LAMB1: variants seen among roughly 807,000 people sequenced by gnomAD.
LAMB1 encodes laminin subunit beta 1.
LAMB1 carries 121 observed loss-of-function variants against 222.3 expected under a neutral mutation model. The observed-to-expected ratio is 0.54, with a 90% CI of 0.47 to 0.63. The LOEUF (loss-of-function observed/expected upper bound fraction) is 0.63. Ranked by LOEUF, LAMB1 falls within the 30% of genes least tolerant of loss-of-function variation. The pLI is 0.00. For synonymous variants in LAMB1, 794 were observed against 807.2 expected (o/e 0.98, Z 0.28); for missense variants, 2,172 against 2,240.8 (o/e 0.97, Z 0.62).
At chr7:107,961,992 CT>C (rs1183073560) in intron 15 of LAMB1, among the ~76,000 whole-genome samples, 4 of 152,134 alleles carry the variant, frequency 2.6e-5, no homozygotes, top group South Asian at 2.1e-4. Context: ...GTCCAAATTC[CT>C]TTACTAATCC....
rs138687179 is a variant in LAMB1 at position 107,973,713 on chromosome 7, C to G, written c.1483-642G>C. On this transcript the variant is annotated intron_variant, in intron 12 of 33. Transcript: ENST00000222399. ...CAGGCTGGAGTGCAGTGGTGTGATC[C>G]CAGCTCACTACAACCTCCGCCTCCT... Among the ~76,000 whole-genome samples the G allele has an allele frequency of 1.8e-3, 276 of 152,060 alleles. 3 individuals carry two copies. Among genetic ancestry groups the G allele is most frequent in the Non-Finnish European group, 3.4e-3 (233 of 67,970 alleles).
At position 107,980,645 on chromosome 7, in the gene LAMB1, G is replaced by A; in HGVS notation, c.843C>T (p.Ala281=). 6.2e-7 allele frequency: 1 copy of A among 1,614,044 alleles called. No individual in the cohort carries two copies. Among genetic ancestry groups the A allele is most frequent in the African/African-American group, 1.3e-5 (1 of 75,022 alleles). The change falls in exon 8 of 34, where the codon GCC becomes GCT. Residue 281 remains alanine (A), a synonymous_variant. Transcript: ENST00000222399. The part of the protein sequence containing the change: ...CFCYGHASEC[A]PVDGFNEEVE... ...CTTCTTCATTGAATCCATCCACAGG[G>A]GCACATTCGCTGGCATGACCATAGC...
intron 31 of LAMB1, among the ~76,000 whole-genome samples, chr7:107,928,517 G>C (rs1295631545): frequency 1.3e-5 from 2 of 148,628 alleles, no homozygotes; most frequent in Admixed American, 1.3e-4. Context: ...TTTTTTTTGA[G>C]ATGGAGTCTC....
chr7:107,928,893 A>G (rs2032634834), intron 31 of LAMB1, among the ~76,000 whole-genome samples, 171 bp downstream of exon 31: 1 of 152,066 alleles, frequency 6.6e-6, no homozygotes, highest in South Asian at 2.1e-4. Flanking sequence ...TTCCTTGAAA[A>G]CCTATCTCCA....
At chr7:107,944,723 A>G (rs996316789) in intron 24 of LAMB1, among the ~76,000 whole-genome samples, 5 of 152,190 alleles carry the variant, frequency 3.3e-5, no homozygotes, top group African/African-American at 1.2e-4. Flanking sequence ...CACTTCAAGA[A>G]TATTTTCAGT....
chr7:107,926,936 T>C (rs1291936732), intron 31 of LAMB1, among the ~76,000 whole-genome samples: 3 of 152,146 alleles, frequency 2.0e-5, no homozygotes, highest in African/African-American at 4.8e-5. Context: ...AAAAAAAATA[T>C]CTGGGCAACT....
Position 107,976,815 on chromosome 7 carries a change from C to T in LAMB1, c.1001-938G>A, listed in dbSNP as rs1200018769. Among the ~76,000 whole-genome samples, 3 of 152,138 alleles carry T rather than the reference C, an allele frequency of 2.0e-5. No homozygotes were observed. In the East Asian group the frequency reaches 5.8e-4, roughly 29 times the overall value. ...TGAACTCCCTCCCATCTTCCTTCCT[C>T]TCTTTTCCTTTTCTTTCCTCTCTCT... On this transcript the variant is annotated intron_variant, in intron 9 of 33. Transcript: ENST00000222399.
At chr7:107,999,482 T>C (rs531918591) in intron 3 of LAMB1, among the ~76,000 whole-genome samples, 2 of 152,366 alleles carry the variant, frequency 1.3e-5, no homozygotes, top group Admixed American at 6.5e-5. Context: ...CACAATTAAC[T>C]GACCGTACTT....
chr7:107,929,710 C>G, intron 29 of LAMB1, 91 bp from the exon 30 acceptor site: 4 of 1,013,244 alleles, frequency 3.9e-6, no homozygotes, highest in Middle Eastern at 4.2e-4. Flanking sequence ...TATGGACTAG[C>G]ATGGTGGGGT....
chr7:108,002,485 G>A, intron 2 of LAMB1: 4 of 1,218,766 alleles, frequency 3.3e-6, no homozygotes, highest in Admixed American at 3.2e-5. Context: ...ACTCTCCTGG[G>A]CAATGGATTT....
In LAMB1 at chr7:107,974,994, G is replaced by A. The variant is rs1228681792; in HGVS notation, c.1474C>T (p.Gln492Ter). The change falls in exon 12 of 34, where the codon CAG becomes TAG. Residue 492 changes from glutamine (Q) to a stop codon, truncating the protein, a stop_gained. Transcript: ENST00000222399. LOFTEE classifies it high-confidence loss of function. ...KRLVTGQHCD[Q>*]CLPEHWGLSN... ...AATGAGGATTTACTTACCAGGCACTGGTCACAATGCTGTCCTGTCACCAGA... is the reference window on the plus strand; with the variant it reads ...AATGAGGATTTACTTACCAGGCACTAGTCACAATGCTGTCCTGTCACCAGA... 1 of 1,587,922 alleles carries A rather than the reference G, an allele frequency of 6.3e-7. No individual in the cohort carries two copies.
chr7:107,951,947 A>AC, intron 23 of LAMB1, 62 bp downstream of exon 23: 8 of 1,431,374 alleles, frequency 5.6e-6, no homozygotes, highest in Non-Finnish European at 7.7e-6. Flanking sequence ...TAACTGGGGC[A>AC]AAGTCACCAT....
Position 108,002,983 on chromosome 7 carries a change from G to GAA in LAMB1, c.-86-14_-86-13dup. The GAA allele has an allele frequency of 4.4e-6, 7 of 1,574,890 alleles. No individual in the cohort carries two copies. Among genetic ancestry groups the GAA allele is most frequent in the African/African-American group, 1.4e-5 (1 of 72,896 alleles). On this transcript the variant is annotated splice_polypyrimidine_tract_variant and intron_variant, in intron 1 of 33. Coordinates refer to ENST00000222399, the MANE Select transcript of LAMB1 (RefSeq NM_002291.3). Reference sequence around the variant, plus strand: ...TCCCGTCTTCCTTTCTGGAGAGGTGGAAAGGAGGGGAAAAAAGGCAAATGT... The same window carrying GAA: ...TCCCGTCTTCCTTTCTGGAGAGGTGGAAAAAGGAGGGGAAAAAAGGCAAATGT...
intron 5 of LAMB1, among the ~76,000 whole-genome samples, chr7:107,991,767 G>T (rs2034187892): frequency 6.6e-6 from 1 of 151,798 alleles, no homozygotes; most frequent in South Asian, 2.1e-4. Context: ...AATTAGCTGG[G>T]CATGGTGGCA....
intron 9 of LAMB1, among the ~76,000 whole-genome samples, chr7:107,976,126 G>A (rs1420155417): frequency 6.6e-6 from 1 of 152,138 alleles, no homozygotes; most frequent in Non-Finnish European, 1.5e-5. Context: ...GAAGAGAATG[G>A]GCTATGAAAA....
chr7:107,970,322 T>A (rs1477811399), intron 13 of LAMB1, among the ~76,000 whole-genome samples: 1 of 151,994 alleles, frequency 6.6e-6, no homozygotes, highest in Admixed American at 6.5e-5. Context: ...ACCCCGTCTC[T>A]ACTAAAAATA....
Position 107,961,201 on chromosome 7 carries a change from C to T in LAMB1, c.2109+5G>A. On this transcript the variant is annotated splice_donor_5th_base_variant and intron_variant, in intron 17 of 33. Coordinates refer to ENST00000222399, the MANE Select transcript of LAMB1 (RefSeq NM_002291.3). ...TGCATATGCCAGAAGCAATCTCGCA[C>T]TTACAGAATCGATCAGCGTGTAGGG... 1 of 1,613,980 alleles carries T rather than the reference C, an allele frequency of 6.2e-7. No individual in the cohort carries two copies. Among genetic ancestry groups the T allele is most frequent in the South Asian group, 1.1e-5 (1 of 91,028 alleles).
rs569568253 is a variant in LAMB1 at position 107,962,914 on chromosome 7, G to A, written c.1848C>T (p.Tyr616=). ...TAAGTGGTTTCTTTACCTGTGGCTC[G>A]TAGCGAATTAGGATGTCGTACTCCA... ...YSMEYDILIR[Y]EPQLPDHWEK... The change falls in exon 15 of 34, where the codon TAC becomes TAT. Residue 616 remains tyrosine (Y), a synonymous_variant. Transcript: ENST00000222399. The A allele has an allele frequency of 1.2e-4, 195 of 1,611,496 alleles. No individual in the cohort carries two copies. The highest frequency in any genetic ancestry group is 7.6e-4 in the East Asian group (34 of 44,846).
chr7:107,965,821 C>T (rs573439067), intron 13 of LAMB1, among the ~76,000 whole-genome samples: 3 of 152,074 alleles, frequency 2.0e-5, no homozygotes, highest in Non-Finnish European at 4.4e-5. Flanking sequence ...GTCCCAAGGC[C>T]GGGTGCGCAG....
Sources: gnomAD v4.1 joint callset for allele counts (sites outside exome capture counted in the v4.1 genomes callset) on GRCh38, gnomAD v4.1.1 for gene constraint, MANE v1.5 for transcripts, NCBI Gene and HGNC (gene_info 2026-07-23, HGNC 2026-07-21) for gene names.